UBE2W: variants seen among roughly 807,000 people sequenced by gnomAD.
UBE2W encodes ubiquitin conjugating enzyme E2 W.
In UBE2W, 18 loss-of-function variants were observed where a neutral mutation model predicts 27.2. The observed-to-expected ratio is 0.66, with a 90% CI of 0.46 to 0.98. The LOEUF is 0.98. UBE2W is among the 50% of genes least tolerant of loss of function. The probability of loss-of-function intolerance (pLI) is 0.00; values close to 1 mark genes in which losing one functional copy is unlikely to be tolerated. For synonymous variants in UBE2W, 53 were observed against 57.2 expected, an observed-to-expected ratio of 0.93 and a Z score of 0.33; for missense variants, 90 against 180.2, an observed-to-expected ratio of 0.50 and a Z score of 2.87.
chr8:73,795,276 G>C (rs1808367052), intron 5 of UBE2W, among the ~76,000 whole-genome samples: 1 of 152,112 alleles, frequency 6.6e-6, no homozygotes, highest in South Asian at 2.1e-4. Context: ...GGTCATGGGG[G>C]CAGATCCCTC....
downstream of UBE2W, among the ~76,000 whole-genome samples, chr8:73,781,619 GTTTTTTT>G (rs112691687): frequency 3.5e-5 from 5 of 140,880 alleles, no homozygotes; most frequent in Non-Finnish European, 6.1e-5. Flanking sequence ...TCAGGTTTGG[GTTTTTTT>G]TTTTTTTTTT....
In UBE2W at chr8:73,788,596, T is replaced by C. The variant is rs1808061541; in HGVS notation, c.*5506A>G. 1.3e-5 allele frequency: 13 copies of C among 985,318 alleles called. No individual in the cohort carries two copies. Among genetic ancestry groups the C allele is most frequent in the Non-Finnish European group, 1.4e-5 (12 of 829,936 alleles). The allele number at this position is 985,318 out of a possible 1,614,324, so 61.0% of individuals were successfully genotyped here. A position where few individuals can be genotyped will look rare whatever the true frequency, so the allele number is the denominator to read the frequency against. ...AATTTACCAAGTTCCTTATGGTAGA[T>C]TTCAGGCTTTAAATTGTAAGTTTCA... On this transcript the variant is annotated 3_prime_UTR_variant, in exon 6 of 6. Transcript: ENST00000602593.
chr8:73,834,497 C>A (rs796457874), intron 1 of UBE2W, among the ~76,000 whole-genome samples: 1 of 152,280 alleles, frequency 6.6e-6, no homozygotes, highest in African/African-American at 2.4e-5. Flanking sequence ...CCAAAAATAG[C>A]TGAGCACAGT....
chr8:73,849,280 C>T (rs370564293), intron 1 of UBE2W, among the ~76,000 whole-genome samples: 194 of 152,000 alleles, frequency 1.3e-3, no homozygotes, highest in African/African-American at 4.1e-3. Context: ...GGGAGGCCAA[C>T]GCAGGTGGAT....
At chr8:73,803,780 T>C (rs2130860822) in intron 5 of UBE2W, among the ~76,000 whole-genome samples, 1 of 150,280 alleles carries the variant, frequency 6.7e-6, no homozygotes, top group East Asian at 1.9e-4. Flanking sequence ...TTTTTTTTTT[T>C]TTTTGAGACG....
At chr8:73,841,892 A>T (rs1003535027) in intron 1 of UBE2W, among the ~76,000 whole-genome samples, 6 of 151,562 alleles carry the variant, frequency 4.0e-5, no homozygotes, top group African/African-American at 1.2e-4. Flanking sequence ...ACAACAATGA[A>T]ATTTGCCTAC....
chr8:73,877,467 G>T (rs575642473), intron 1 of UBE2W, among the ~76,000 whole-genome samples: 5 of 152,168 alleles, frequency 3.3e-5, no homozygotes, highest in Admixed American at 3.3e-4. Context: ...AAGGAAAACA[G>T]GTTGAAAGGG....
At chr8:73,833,937 G>A (rs1586495422) in intron 1 of UBE2W, 1 of 152,236 alleles carries the variant, frequency 6.6e-6, no homozygotes, top group East Asian at 1.9e-4. Flanking sequence ...CCATATTGAT[G>A]CCGAACTCAA....
chr8:73,869,482 GAAGT>G (rs768863970), intron 1 of UBE2W, among the ~76,000 whole-genome samples: 1 of 152,200 alleles, frequency 6.6e-6, no homozygotes, highest in East Asian at 1.9e-4. Flanking sequence ...CTTGAGGTCA[GAAGT>G]AAGAGACCAG....
At chr8:73,780,529 A>AT in intron 4 of UBE2W, 2 of 433,622 alleles carry the variant, frequency 4.6e-6, no homozygotes, top group Non-Finnish European at 9.0e-6. Flanking sequence ...TGAAAAAAAA[A>AT]TTTATTTATT....
chr8:73,789,105 AGAGC>A lies in UBE2W; in HGVS notation c.*4993_*4996del. 7.1e-6 allele frequency: 7 copies of A among 985,194 alleles called. No homozygotes were observed. The highest frequency in any genetic ancestry group is 8.4e-6 in the Non-Finnish European group (7 of 829,898). The allele number at this position is 985,194 out of a possible 1,614,324, so 61.0% of individuals were successfully genotyped here. A position where few individuals can be genotyped will look rare whatever the true frequency, so the allele number is the denominator to read the frequency against. On this transcript the variant is annotated 3_prime_UTR_variant, in exon 6 of 6. Transcript: ENST00000602593. The stretch of plus-strand genomic sequence containing the variant: ...ACCCTAACTTCAACTTTCAGGATAG[AGAGC>A]TAAGTTTCAAGTACATGTCTAGATT...
chr8:73,866,990 C>T (rs1367548059), intron 1 of UBE2W, among the ~76,000 whole-genome samples: 2 of 146,088 alleles, frequency 1.4e-5, no homozygotes, highest in Non-Finnish European at 3.0e-5. Flanking sequence ...GGCGACAGAG[C>T]GAGGCTCCGT....
intron 1 of UBE2W, among the ~76,000 whole-genome samples, chr8:73,844,110 T>C (rs569994761): frequency 3.3e-5 from 5 of 152,238 alleles, no homozygotes; most frequent in Admixed American, 1.3e-4. Context: ...AATCCAAACT[T>C]AAACATCACT....
At chr8:73,848,406 G>A (rs1394172109) in intron 1 of UBE2W, among the ~76,000 whole-genome samples, 1 of 152,098 alleles carries the variant, frequency 6.6e-6, no homozygotes, top group African/African-American at 2.4e-5. Context: ...CAGAATGTAA[G>A]CTGGGCATGG....
intron 1 of UBE2W, among the ~76,000 whole-genome samples, chr8:73,873,205 G>C (rs1304241127): frequency 6.6e-6 from 1 of 152,042 alleles, no homozygotes; most frequent in African/African-American, 2.4e-5. Flanking sequence ...CACCATGCTG[G>C]CCTATTTTCT....
At chr8:73,840,856 A>C (rs1314919347) in intron 1 of UBE2W, among the ~76,000 whole-genome samples, 1 of 152,188 alleles carries the variant, frequency 6.6e-6, no homozygotes, top group Non-Finnish European at 1.5e-5. Flanking sequence ...TGATATATTA[A>C]AATATGAAGA....
rs140204759 is a variant in UBE2W at position 73,830,585 on chromosome 8, A to C, written c.16-113T>G. On this transcript the variant is annotated intron_variant, in intron 1 of 5. Coordinates refer to ENST00000602593, the MANE Select transcript of UBE2W (RefSeq NM_018299.6). ...ACCACATCCTCAAACTCCTGGGCTCAAGGAATCCTCCCACCTCAGCCTCCC... is the reference window on the plus strand; with the variant it reads ...ACCACATCCTCAAACTCCTGGGCTCCAGGAATCCTCCCACCTCAGCCTCCC... 527 of 753,424 alleles carry C rather than the reference A, an allele frequency of 7.0e-4. 1 individual carries two copies. In the African/African-American group the frequency reaches 8.7e-3, roughly 12 times the overall value. The allele number at this position is 753,424 out of a possible 1,614,324, so 46.7% of individuals were successfully genotyped here.
At chr8:73,822,586 T>C (rs1363396255) in intron 3 of UBE2W, among the ~76,000 whole-genome samples, 1 of 107,134 alleles carries the variant, frequency 9.3e-6, no homozygotes, top group African/African-American at 3.4e-5. Context: ...TTTCACTCTA[T>C]TAAATCTTGC....
intron 1 of UBE2W, among the ~76,000 whole-genome samples, chr8:73,865,258 A>C (rs1398541600): frequency 6.6e-6 from 1 of 151,718 alleles, no homozygotes; most frequent in Non-Finnish European, 1.5e-5. Context: ...CGAAGACGTG[A>C]ATTCACAAAT....
Sources: allele counts gnomAD v4.1 joint callset (sites outside exome capture counted in the v4.1 genomes callset), GRCh38; gene constraint gnomAD v4.1.1; transcripts MANE v1.5; gene names NCBI Gene and HGNC (gene_info 2026-07-23, HGNC 2026-07-21).